COL19A1: variants seen among roughly 807,000 people sequenced by gnomAD.
The protein encoded by COL19A1 is collagen alpha-1(XIX) chain.
Under a neutral mutation model 190.2 loss-of-function variants are expected in COL19A1, and 159 were observed. The ratio of observed to expected loss-of-function variants is 0.84; its 90% CI spans 0.73 to 0.95. COL19A1 has a LOEUF of 0.95. Among genes scored for constraint, COL19A1 ranks in the 40% least tolerant of loss-of-function variants. The pLI, the probability that COL19A1 is intolerant of heterozygous loss-of-function variation, is 0.00. For synonymous variants in COL19A1, 509 were observed against 458.9 expected (o/e 1.11, Z -1.39); for missense variants, 1,418 against 1,431.9 (o/e 0.99, Z 0.16).
intron 9 of COL19A1, among the ~76,000 whole-genome samples, chr6:69,959,013 C>T (rs1014384178): frequency 2.6e-5 from 4 of 152,054 alleles, no homozygotes; most frequent in Admixed American, 6.6e-5. Flanking sequence ...AAATTGTTAG[C>T]GTATTTTGAG....
chr6:69,986,039 T>C (rs1428322085), intron 11 of COL19A1, among the ~76,000 whole-genome samples: 1 of 152,018 alleles, frequency 6.6e-6, no homozygotes, highest in Non-Finnish European at 1.5e-5. Context: ...AATATGTTTG[T>C]CTTGCTTAGT....
intron 12 of COL19A1, among the ~76,000 whole-genome samples, chr6:70,025,607 G>C (rs576719455): frequency 6.6e-6 from 1 of 152,316 alleles, no homozygotes; most frequent in South Asian, 2.1e-4. Flanking sequence ...TCCTTTTACA[G>C]TGGATTCTGA....
chr6:69,960,065 CTGAGT>C (rs2150044116), intron 10 of COL19A1, 25 bp downstream of exon 10: 3 of 1,600,418 alleles, frequency 1.9e-6, no homozygotes. Flanking sequence ...AATGTTTCAT[CTGAGT>C]TAAGAATTTT....
chr6:69,930,125 T>C (rs372866709), intron 6 of COL19A1, among the ~76,000 whole-genome samples: 34 of 152,318 alleles, frequency 2.2e-4, no homozygotes, highest in African/African-American at 8.2e-4. Context: ...ATCCTTACAA[T>C]AGCAATTACT....
At chr6:70,132,370 A>G (rs140757112) in intron 18 of COL19A1, among the ~76,000 whole-genome samples, 59 of 152,206 alleles carry the variant, frequency 3.9e-4, no homozygotes, top group African/African-American at 1.3e-3. Flanking sequence ...CTGCACCCCA[A>G]CCTGAGCAAC....
chr6:70,071,576 T>C (rs1038303194), intron 15 of COL19A1, among the ~76,000 whole-genome samples: 3 of 152,172 alleles, frequency 2.0e-5, no homozygotes, highest in African/African-American at 7.2e-5. Context: ...TTTATTTATT[T>C]ACTTTGTCTT....
intron 4 of COL19A1, among the ~76,000 whole-genome samples, chr6:69,915,678 A>G (rs1029222485): frequency 6.6e-6 from 1 of 152,210 alleles, no homozygotes. Context: ...CTTTCTTTCC[A>G]TCATCATTTG....
At chr6:70,062,734 C>G (rs958389362) in intron 14 of COL19A1, among the ~76,000 whole-genome samples, 1 of 152,102 alleles carries the variant, frequency 6.6e-6, no homozygotes, top group African/African-American at 2.4e-5. Context: ...TTCAGGAAAC[C>G]TATCTCATCT....
At chr6:70,063,197 T>A (rs1011170109) in intron 14 of COL19A1, among the ~76,000 whole-genome samples, 9 of 151,932 alleles carry the variant, frequency 5.9e-5, no homozygotes, top group Non-Finnish European at 8.8e-5. Context: ...AGCACCACAC[T>A]GCACCTATTC....
At chr6:70,111,802 A>G (rs966611773) in intron 16 of COL19A1, among the ~76,000 whole-genome samples, 7 of 152,192 alleles carry the variant, frequency 4.6e-5, no homozygotes, top group Admixed American at 3.3e-4. Context: ...ACCTATAGAT[A>G]AGGGAGAGAC....
chr6:69,875,016 C>T (rs756732886), intron 1 of COL19A1, among the ~76,000 whole-genome samples: 1 of 152,310 alleles, frequency 6.6e-6, no homozygotes, highest in East Asian at 1.9e-4. Context: ...ATGGACAAGA[C>T]AGATATAGTC....
chr6:69,933,093 C>T (rs1441177045), intron 7 of COL19A1, among the ~76,000 whole-genome samples: 1 of 152,074 alleles, frequency 6.6e-6, no homozygotes, highest in Non-Finnish European at 1.5e-5. Flanking sequence ...TCACTTTGAA[C>T]TCAGTATAAC....
intron 16 of COL19A1, among the ~76,000 whole-genome samples, chr6:70,113,967 C>T (rs1784422049): frequency 6.7e-6 from 1 of 150,112 alleles, no homozygotes; most frequent in South Asian, 2.1e-4. Context: ...TCTCCTGCCT[C>T]AGCTTCCCAA....
intron 4 of COL19A1, among the ~76,000 whole-genome samples, chr6:69,913,905 A>G (rs1771122555): frequency 6.6e-6 from 1 of 152,006 alleles, no homozygotes; most frequent in Non-Finnish European, 1.5e-5. Flanking sequence ...ACCCAAGGAT[A>G]CTTCAGAATT....
chr6:69,925,780 T>C (rs1772342189), intron 4 of COL19A1, among the ~76,000 whole-genome samples: 1 of 152,150 alleles, frequency 6.6e-6, no homozygotes, highest in Non-Finnish European at 1.5e-5. Flanking sequence ...GGTTTGTAGT[T>C]CTCCTTGAAG....
chr6:69,872,419 T>C (rs1209502866), intron 1 of COL19A1, among the ~76,000 whole-genome samples: 1 of 152,180 alleles, frequency 6.6e-6, no homozygotes, highest in African/African-American at 2.4e-5. Context: ...CTATGATTAA[T>C]GGTAATGAGT....
At chr6:69,903,268 C>A (rs201683915) in intron 4 of COL19A1, among the ~76,000 whole-genome samples, 6 of 152,290 alleles carry the variant, frequency 3.9e-5, no homozygotes, top group African/African-American at 1.2e-4. Flanking sequence ...CTGGCTAGAC[C>A]TATCTGTATA....
intron 15 of COL19A1, among the ~76,000 whole-genome samples, chr6:70,075,381 A>C (rs1164604849): frequency 6.6e-6 from 1 of 152,218 alleles, no homozygotes; most frequent in African/African-American, 2.4e-5. Flanking sequence ...GTGTCTCCTA[A>C]AATTGGATCA....
intron 16 of COL19A1, among the ~76,000 whole-genome samples, chr6:70,119,590 C>T (rs557934098): frequency 1.5e-4 from 23 of 152,252 alleles, no homozygotes; most frequent in Admixed American, 5.9e-4. Flanking sequence ...GTAGAGTAGA[C>T]GAGAACTGGC....
Sources: gnomAD v4.1 joint callset for allele counts (sites outside exome capture counted in the v4.1 genomes callset) on GRCh38, gnomAD v4.1.1 for gene constraint, MANE v1.5 for transcripts, NCBI Gene and HGNC (gene_info 2026-07-23, HGNC 2026-07-21) for gene names.